LPO: variants seen among roughly 807,000 people sequenced by gnomAD.
The protein encoded by LPO is salivary peroxidase.
LPO carries 70 observed loss-of-function variants against 68.4 expected under a neutral mutation model. The ratio of observed to expected loss-of-function variants is 1.02; its 90% CI spans 0.84 to 1.25. The LOEUF is 1.25. Among genes scored for constraint, LPO ranks in the 50% most tolerant of loss-of-function variants. The pLI, the probability that LPO is intolerant of heterozygous loss-of-function variation, is 0.00. For synonymous variants in LPO, 360 were observed against 357.6 expected (o/e 1.01, Z -0.08); for missense variants, 873 against 908.4 (o/e 0.96, Z 0.50).
intron 8 of LPO, among the ~76,000 whole-genome samples, chr17:58,252,880 G>A (rs749943611): frequency 5.3e-5 from 8 of 151,436 alleles, no homozygotes; most frequent in Non-Finnish European, 1.0e-4. Flanking sequence ...AAAATTAGCC[G>A]GGCGTGGTGG....
chr17:58,249,097 G>A lies in LPO; in HGVS notation c.363G>A (p.Val121=), dbSNP rs748913752. ...ACTTGACTTCACTGTCTCTGGAGGT[G>A]GGCTGTGGTGCTCCTGCTCCCGTGG... ...SLDLTSLSLE[V]GCGAPAPVVR... is the part of the protein sequence containing the mutation. The change falls in exon 5 of 13, where the codon GTG becomes GTA. Residue 121 remains valine, a synonymous_variant. Transcript: ENST00000262290. 1.9e-5 allele frequency: 30 copies of A among 1,614,052 alleles called. No individual in the cohort carries two copies. Among genetic ancestry groups the A allele is most frequent in the Non-Finnish European group, 2.5e-5 (30 of 1,180,024 alleles).
chr17:58,248,831 G>A (rs1969899965), intron 4 of LPO, among the ~76,000 whole-genome samples: 1 of 152,106 alleles, frequency 6.6e-6, no homozygotes, highest in African/African-American at 2.4e-5. Context: ...GTGGCCTTGG[G>A]CAAGTCTCTT....
chr17:58,264,921 C>T lies in LPO; in HGVS notation c.1466C>T (p.Pro489Leu). Residue 489 changes from proline (P) to leucine (L), a missense_variant, in exon 10 of 13, where the codon CCA becomes CTA. By Grantham distance (98) the Pro-to-Leu change is moderately conservative. Coordinates refer to ENST00000262290, the MANE Select transcript of LPO (RefSeq NM_006151.3). Reference protein sequence around the residue: ...DENYQPWGPEPELPLHTLFFN... With the variant: ...DENYQPWGPELELPLHTLFFN... The stretch of plus-strand genomic sequence containing the variant: ...AATTATCAGCCATGGGGGCCAGAAC[C>T]AGAACTCCCCCTCCACACCCTCTTC... The T allele has an allele frequency of 6.2e-7, 1 of 1,614,210 alleles. No homozygotes were observed. The highest frequency in any genetic ancestry group is 8.5e-7 in the Non-Finnish European group (1 of 1,180,044).
chr17:58,266,213 A>G lies in LPO; in HGVS notation c.1580A>G (p.Asn527Ser). ...AAGAAATCCAAGCTGATGAAACAGA[A>G]TAAAATGATGACTGGAGAGCTGCGC... ...LAKKSKLMKQ[N>S]KMMTGELRNK... is the part of the protein sequence containing the mutation. The change falls in exon 11 of 13, where the codon AAT becomes AGT. Residue 527 changes from asparagine (N) to serine (S), a missense_variant. By Grantham distance (46) the Asn-to-Ser change is conservative. Transcript: ENST00000262290. The G allele has an allele frequency of 1.2e-6, 2 of 1,614,160 alleles. No individual in the cohort carries two copies. Among genetic ancestry groups the G allele is most frequent in the Non-Finnish European group, 1.7e-6 (2 of 1,180,026 alleles).
rs765056875 is a variant in LPO, at chr17:58,250,459, G to C, written c.618G>C (p.Glu206Asp). 2 of 1,614,046 alleles carry C rather than the reference G, an allele frequency of 1.2e-6. No individual in the cohort carries two copies. The highest frequency in any genetic ancestry group is 1.3e-5 in the African/African-American group (1 of 74,916). The change falls in exon 7 of 13, where the codon GAG becomes GAC. Residue 206 changes from glutamate to aspartate, a missense_variant. By Grantham distance (45) the Glu-to-Asp change is conservative. Coordinates refer to ENST00000262290, the MANE Select transcript of LPO (RefSeq NM_006151.3). ...AGATTGTTGGCTATCTGAATGAGGA[G>C]GGTGTTCTGGACCAAAACAGGTCCC... ...SNKIVGYLNE[E>D]GVLDQNRSLL...
At chr17:58,261,820 T>C (rs533898254) in intron 9 of LPO, among the ~76,000 whole-genome samples, 2 of 152,248 alleles carry the variant, frequency 1.3e-5, no homozygotes, top group South Asian at 4.1e-4. Context: ...GATAGATAGG[T>C]AGATAGATAT....
Position 58,252,389 on chromosome 17 carries a change from A to G in LPO, c.988A>G (p.Met330Val), listed in dbSNP as rs377247999. Residue 330 changes from methionine (M) to valine (V), a missense_variant, in exon 8 of 13, where the codon ATG (methionine) becomes GTG (valine). Physicochemically the swap from Met to Val is conservative, Grantham distance 21. Coordinates refer to ENST00000262290, the MANE Select transcript of LPO (RefSeq NM_006151.3). ...CAACCTCAGCAGCCCCCTGGGCCTC[A>G]TGGCTGTCAACCAGGAGGTCTCAGA... is the stretch of plus-strand genomic sequence containing the variant. ...LRNLSSPLGL[M>V]AVNQEVSDHG... The G allele has an allele frequency of 5.6e-6, 9 of 1,614,160 alleles. No individual in the cohort carries two copies. The highest frequency in any genetic ancestry group is 4.4e-5 in the South Asian group (4 of 91,080).
intron 2 of LPO, chr17:58,243,772 A>G (rs1598019198): frequency 1.7e-6 from 1 of 583,654 alleles, no homozygotes; most frequent in Non-Finnish European, 3.1e-6. Context: ...GTGAGATCTC[A>G]AAGAGCAATT....
rs184070931 is a variant in LPO at position 58,248,998 on chromosome 17, C to T, written c.326-62C>T. The T allele has an allele frequency of 5.8e-4, 748 of 1,286,476 alleles. 2 individuals carry two copies. Among genetic ancestry groups the T allele is most frequent in the Middle Eastern group, 7.3e-4 (4 of 5,456 alleles). 79.7% of individuals were successfully genotyped at this position (1,286,476 alleles called of 1,614,324 possible). A position where few individuals can be genotyped will look rare whatever the true frequency, so the allele number is the denominator to read the frequency against. On this transcript the variant is annotated intron_variant, in intron 4 of 12. Coordinates refer to ENST00000262290, the MANE Select transcript of LPO (RefSeq NM_006151.3). ...TTCACCTCTGGTCTCCATTTCCTGC[C>T]TCCCACGGGTGCCTGTGAATGGAGA...
At position 58,267,017 on chromosome 17, in the gene LPO, G is replaced by A. The variant is rs148768053; in HGVS notation, c.1694-332G>A. On this transcript the variant is annotated intron_variant, in intron 11 of 12. Transcript: ENST00000262290. ...ACCAGACTGCCTGAGTTCAAATCCC[G>A]CCTATGCCATTTACTAGTTATAAGA... 5.9e-5 allele frequency among the ~76,000 whole-genome samples: 9 copies of A among 152,250 alleles called. 1 individual carries two copies. Among genetic ancestry groups the A allele is most frequent in the East Asian group, 1.9e-4 (1 of 5,190 alleles).
At position 58,243,056 on chromosome 17, in the gene LPO, G is replaced by GT. The variant is rs751722654; in HGVS notation, c.76+2dup. The stretch of plus-strand genomic sequence containing the variant: ...CAGGCTGCAGCATCTACCACAAGAG[G>GT]TGAGTGTCTCCCTTTACGGGTTTTC... On this transcript the variant is annotated splice_donor_variant, in intron 2 of 12. Transcript: ENST00000262290. LOFTEE classifies it high-confidence loss of function. 6.2e-7 allele frequency: 1 copy of GT among 1,613,838 alleles called. No individual in the cohort carries two copies. Among genetic ancestry groups the GT allele is most frequent in the African/African-American group, 1.3e-5 (1 of 75,048 alleles).
At chr17:58,266,649 G>A (rs764869297) in intron 11 of LPO, among the ~76,000 whole-genome samples, 6 of 151,628 alleles carry the variant, frequency 4.0e-5, no homozygotes, top group African/African-American at 4.9e-5. Flanking sequence ...TATAGACATA[G>A]TCTTGCTATG....
chr17:58,264,061 A>T (rs1251902712), intron 9 of LPO, among the ~76,000 whole-genome samples: 2 of 152,192 alleles, frequency 1.3e-5, no homozygotes, highest in African/African-American at 2.4e-5. Flanking sequence ...TGAAAGCTAG[A>T]TAGAAATGTG....
intron 9 of LPO, among the ~76,000 whole-genome samples, chr17:58,258,352 C>T (rs528355212): frequency 2.6e-4 from 40 of 152,152 alleles, no homozygotes; most frequent in Non-Finnish European, 4.9e-4. Flanking sequence ...TTTTATTCTC[C>T]GGCATATGGA....
intron 2 of LPO, chr17:58,243,661 C>T (rs1480909500): frequency 1.0e-5 from 4 of 388,804 alleles, no homozygotes; most frequent in Non-Finnish European, 1.4e-5. Flanking sequence ...AGATAGTCCA[C>T]AAGACCATCT....
At chr17:58,240,214 T>C (rs1969728530) in intron 1 of LPO, among the ~76,000 whole-genome samples, 1 of 152,120 alleles carries the variant, frequency 6.6e-6, no homozygotes, top group Admixed American at 6.5e-5. Flanking sequence ...GGGTATTGTA[T>C]AGGGAAGAGC....
chr17:58,254,152 T>TATAGATATATAG (rs1555605278), intron 8 of LPO, among the ~76,000 whole-genome samples: 6,021 of 133,086 alleles, frequency 0.045, 190 homozygotes, highest in African/African-American at 0.088. Context: ...TATATAGATA[T>TATAGATATATAG]ATAGATAGAT....
At chr17:58,258,999 G>A (rs1970125317) in intron 9 of LPO, among the ~76,000 whole-genome samples, 1 of 150,072 alleles carries the variant, frequency 6.7e-6, no homozygotes, top group Non-Finnish European at 1.5e-5. Context: ...GATTTGCAGT[G>A]ATTTTCTCCC....
Position 58,250,616 on chromosome 17 carries a change from A to G in LPO, c.775A>G (p.Ile259Val), listed in dbSNP as rs1176713960. 5 of 1,613,864 alleles carry G rather than the reference A, an allele frequency of 3.1e-6. No homozygotes were observed. The Admixed American group carries it at 5.0e-5, about 16-fold the overall frequency. Residue 259 changes from isoleucine (I) to valine (V), a missense_variant, in exon 7 of 13, where the codon ATC becomes GTC. Transcript: ENST00000262290. ...TATCCAGGGAGACAACTGCTTCCCC[A>G]TCATGGTACGGCCCTGCAGCTAGGC... is the stretch of plus-strand genomic sequence containing the variant. Reference protein sequence around the residue: ...YCIQGDNCFPIMFPPNDPKAG... With the variant: ...YCIQGDNCFPVMFPPNDPKAG...
Sources: allele counts gnomAD v4.1 joint callset (sites outside exome capture counted in the v4.1 genomes callset), GRCh38; gene constraint gnomAD v4.1.1; transcripts MANE v1.5; gene names NCBI Gene and HGNC (gene_info 2026-07-23, HGNC 2026-07-21).